Variants in PCDHGA7 observed in about 807,000 individuals in gnomAD.
PCDHGA7 encodes protocadherin gamma-A7.
PCDHGA7 carries 44 observed loss-of-function variants against 58.3 expected under a neutral mutation model. The ratio of observed to expected loss-of-function variants is 0.75; its 90% CI spans 0.59 to 0.97. The LOEUF (loss-of-function observed/expected upper bound fraction) is 0.97, where lower values mean the gene tolerates loss of function less well. Among genes scored for constraint, PCDHGA7 ranks in the 50% least tolerant of loss-of-function variants. The pLI, the probability that PCDHGA7 is intolerant of heterozygous loss-of-function variation, is 0.00. For synonymous variants in PCDHGA7, 516 were observed against 504.2 expected, an observed-to-expected ratio of 1.02 and a Z score of -0.31; for missense variants, 1,266 against 1,188.7, an observed-to-expected ratio of 1.06 and a Z score of -0.96.
At chr5:141,500,438 T>C (rs977844035) in intron 2 of PCDHGA7, among the ~76,000 whole-genome samples, 2 of 151,816 alleles carry the variant, frequency 1.3e-5, no homozygotes, top group African/African-American at 4.8e-5. Flanking sequence ...CTCGATCTCC[T>C]GACCTCGTGA....
intron 1 of PCDHGA7, among the ~76,000 whole-genome samples, chr5:141,488,434 C>T (rs1231743982): frequency 2.6e-5 from 4 of 152,166 alleles, no homozygotes; most frequent in African/African-American, 7.2e-5. Flanking sequence ...TGGCCTCTGA[C>T]CACCCTCCTG....
chr5:141,399,278 G>A (rs1373250809), intron 1 of PCDHGA7: 2 of 1,613,792 alleles, frequency 1.2e-6, no homozygotes, highest in African/African-American at 1.3e-5. Context: ...CAATTACAAG[G>A]CGAAGTCCCT....
chr5:141,427,229 G>A (rs1377470019), intron 1 of PCDHGA7: 3 of 456,628 alleles, frequency 6.6e-6, no homozygotes, highest in Non-Finnish European at 1.3e-5. Context: ...GTTATACCAT[G>A]AGAGTAGAAG....
In PCDHGA7 at chr5:141,383,931, T is replaced by G; in HGVS notation, c.1032T>G (p.Ala344=). 1 of 1,613,818 alleles carries G rather than the reference T, an allele frequency of 6.2e-7. No homozygotes were observed. ...CAGTTTTAGATGTAAATGATAATGC[T>G]CCAGAAGTGACTATGACGTCTTTAA... is the stretch of plus-strand genomic sequence containing the variant. ...LITVLDVNDN[A]PEVTMTSLSS... Residue 344 remains alanine (A), a synonymous_variant, in exon 1 of 4, where the codon GCT becomes GCG. Transcript: ENST00000518325.
intron 1 of PCDHGA7, chr5:141,413,373 C>T (rs1421093311): frequency 1.2e-6 from 2 of 1,613,946 alleles, no homozygotes; most frequent in Non-Finnish European, 1.7e-6. Flanking sequence ...TGGCGGAGCG[C>T]GGAGTCCGCA....
chr5:141,413,747 A>G (rs1208637349), intron 1 of PCDHGA7: 7 of 1,613,230 alleles, frequency 4.3e-6, no homozygotes, highest in African/African-American at 4.0e-5. Flanking sequence ...AGCCGTGCCA[A>G]TGGCGTCAAG....
intron 1 of PCDHGA7, among the ~76,000 whole-genome samples, chr5:141,468,797 C>T (rs191599825): frequency 0.01 from 1,525 of 151,876 alleles, 28 homozygotes; most frequent in African/African-American, 0.035. Flanking sequence ...ACCCGGGAGG[C>T]GGAACTTGCA....
chr5:141,401,215 G>A (rs371927686), intron 1 of PCDHGA7, among the ~76,000 whole-genome samples: 9 of 152,158 alleles, frequency 5.9e-5, no homozygotes, highest in African/African-American at 9.6e-5. Context: ...GGTGGCGGGC[G>A]CCTGTAATCC....
chr5:141,405,204 A>G, intron 1 of PCDHGA7: 1 of 1,613,034 alleles, frequency 6.2e-7, no homozygotes. Flanking sequence ...GCTTTCCTAC[A>G]GACCTATTCT....
chr5:141,430,926 C>T, intron 1 of PCDHGA7: 1 of 1,607,426 alleles, frequency 6.2e-7, no homozygotes, highest in Non-Finnish European at 8.5e-7. Flanking sequence ...GGGCTGGAGC[C>T]CCGGGAGCTC....
chr5:141,484,994 G>A (rs1257915410), intron 1 of PCDHGA7: 4 of 610,330 alleles, frequency 6.6e-6, no homozygotes, highest in Non-Finnish European at 1.2e-5. Context: ...GGTGGTGAAA[G>A]GCAGACAAAT....
At chr5:141,460,733 C>T (rs988651750) in intron 1 of PCDHGA7, among the ~76,000 whole-genome samples, 2 of 150,844 alleles carry the variant, frequency 1.3e-5, no homozygotes, top group Non-Finnish European at 3.0e-5. Context: ...CATATATACA[C>T]ATTGTATATA....
intron 1 of PCDHGA7, chr5:141,427,902 C>G: frequency 6.4e-7 from 1 of 1,573,742 alleles, no homozygotes; most frequent in South Asian, 1.1e-5. Flanking sequence ...CTCGCCCGCG[C>G]TCAGCGCCAA....
intron 1 of PCDHGA7, among the ~76,000 whole-genome samples, chr5:141,442,717 C>T (rs918238654): frequency 1.3e-5 from 2 of 152,166 alleles, no homozygotes; most frequent in African/African-American, 2.4e-5. Flanking sequence ...CATGCCAGAG[C>T]ATTTGGGGCC....
Position 141,382,943 on chromosome 5 carries a change from T to C in PCDHGA7, c.44T>C (p.Leu15Pro), listed in dbSNP as rs766692143. The change falls in exon 1 of 4, where the codon CTG becomes CCG. Residue 15 changes from leucine (L) to proline (P), a missense_variant. By Grantham distance (98) the Leu-to-Pro change is moderately conservative. Coordinates refer to ENST00000518325, the MANE Select transcript of PCDHGA7 (RefSeq NM_018920.4). The stretch of plus-strand genomic sequence containing the variant: ...GGCGGGGACTACAGAGGATTCTTCC[T>C]GCTCTCCATCCTCCTGGGGACCCCC... ...PRGGDYRGFF[L>P]LSILLGTPWE... is the part of the protein sequence containing the mutation. 2.6e-5 allele frequency: 42 copies of C among 1,596,066 alleles called. No individual in the cohort carries two copies. Among genetic ancestry groups the C allele is most frequent in the Non-Finnish European group, 3.5e-5 (41 of 1,169,148 alleles).
intron 1 of PCDHGA7, chr5:141,422,081 T>C: frequency 2.5e-6 from 4 of 1,612,346 alleles, no homozygotes; most frequent in Non-Finnish European, 3.4e-6. Context: ...TTTCGGAACA[T>C]GGAAAGCAAG....
intron 1 of PCDHGA7, among the ~76,000 whole-genome samples, chr5:141,406,925 G>A (rs1003832711): frequency 2.0e-5 from 3 of 152,268 alleles, no homozygotes; most frequent in African/African-American, 7.2e-5. Flanking sequence ...AGAGAATAAT[G>A]TATTATTTAA....
Position 141,485,606 on chromosome 5 carries a change from G to T in PCDHGA7, c.2425-9201G>T, listed in dbSNP as rs2099616630. On this transcript the variant is annotated intron_variant, in intron 1 of 3. Transcript: ENST00000518325. The surrounding 1 kb of genome is among the most constrained non-coding windows in gnomAD (Gnocchi z 5.7). ...GCAGCTGGACTTGGAAATTGGGGAG[G>T]CAGCTCCTCCAGGACAGCGTTTCCC... is the stretch of plus-strand genomic sequence containing the variant. 1.2e-6 allele frequency: 2 copies of T among 1,612,362 alleles called. No homozygotes were observed. The highest frequency in any genetic ancestry group is 4.5e-5 in the East Asian group (2 of 44,840).
intron 1 of PCDHGA7, among the ~76,000 whole-genome samples, chr5:141,455,489 A>T (rs925133619): frequency 3.9e-5 from 6 of 152,152 alleles, no homozygotes; most frequent in African/African-American, 4.8e-5. Context: ...GGTGGAGGTG[A>T]TGTCTGATTT....
Sources: allele counts gnomAD v4.1 joint callset (sites outside exome capture counted in the v4.1 genomes callset), GRCh38; gene constraint gnomAD v4.1.1; non-coding constraint Gnocchi (gnomAD v3.1); transcripts MANE v1.5; gene names NCBI Gene and HGNC (gene_info 2026-07-23, HGNC 2026-07-21).